Variants in MYO15B observed in about 807,000 individuals in gnomAD.
MYO15B encodes the protein myosin XVB.
A neutral mutation model predicts 119.3 loss-of-function variants in MYO15B; 207 were observed. The ratio of observed to expected loss-of-function variants is 1.73; its 90% confidence interval spans 1.55 to 1.95. The LOEUF (loss-of-function observed/expected upper bound fraction) is 1.95. Among genes scored for constraint, MYO15B ranks in the 30% most tolerant of loss-of-function variants. The pLI, the probability that MYO15B is intolerant of heterozygous loss-of-function variation, is 0.00. For missense variants in MYO15B, 2,264 were observed against 1,203.1 expected (o/e 1.88, Z -13.04); for synonymous variants, 966 against 498.9 (o/e 1.94, Z -12.48).
At chr17:75,626,755 C>A (rs1252071604) in exon 64 of MYO15B, 1 of 547,068 alleles carries the variant, frequency 1.8e-6, no homozygotes, top group Non-Finnish European at 3.3e-6. Flanking sequence ...GAGGGAGATG[C>A]CCACCCGACC....
chr17:75,599,915 A>G (rs2057137540), intron 14 of MYO15B, among the ~76,000 whole-genome samples: 1 of 150,978 alleles, frequency 6.6e-6, no homozygotes, highest in African/African-American at 2.4e-5. Flanking sequence ...AATAATAATA[A>G]TAATAATGAA....
intron 4 of MYO15B, 49 bp downstream of exon 4, chr17:75,591,295 G>T: frequency 1.4e-6 from 1 of 699,900 alleles, no homozygotes; most frequent in Middle Eastern, 2.3e-4. Context: ...CACACTGAGG[G>T]TTGATGGGGC....
exon 55 of MYO15B, chr17:75,623,951 A>C: frequency 1.4e-6 from 1 of 702,980 alleles, no homozygotes; most frequent in Non-Finnish European, 2.6e-6. Flanking sequence ...CCCTGCAGGG[A>C]ACACTGCACT....
At chr17:75,595,991 C>T (rs1251554135) in intron 12 of MYO15B, among the ~76,000 whole-genome samples, 1 of 152,196 alleles carries the variant, frequency 6.6e-6, no homozygotes, top group Non-Finnish European at 1.5e-5. Context: ...TGATGGTGGC[C>T]TGTGTGTGCA....
rs1045889673 is a variant in MYO15B at position 75,615,542 on chromosome 17, A to G, written c.5780A>G (p.Asp1927Gly). Residue 1927 changes from aspartate to glycine, a missense_variant, in exon 35 of 64, where the codon GAT becomes GGT. Physicochemically the swap from Asp to Gly is moderately conservative, Grantham distance 94 (BLOSUM62 -1). Coordinates refer to ENST00000645453, the Ensembl canonical transcript of MYO15B. The stretch of plus-strand genomic sequence containing the variant: ...CCGCAGCCACCGCTTCCCAGCCTGG[A>G]TGCAGGGCAGCTGGCCGTCCAGCAG... The G allele has an allele frequency of 4.3e-6, 3 of 701,278 alleles. No homozygotes were observed. In the East Asian group the frequency reaches 8.0e-5, roughly 19 times the overall value. 43.4% of individuals were successfully genotyped at this position (701,278 alleles called of 1,614,324 possible). A position where few individuals can be genotyped will look rare whatever the true frequency, so the allele number is the denominator to read the frequency against.
At chr17:75,617,478 C>G (rs1418332994) in intron 41 of MYO15B, 174 bp downstream of exon 41, 2 of 552,474 alleles carry the variant, frequency 3.6e-6, no homozygotes, top group Admixed American at 3.6e-5. Flanking sequence ...GCGTTCCCAC[C>G]CAGGGCAGGG....
Position 75,589,632 on chromosome 17 carries a change from C to A in MYO15B, c.1575C>A (p.Ser525Arg), listed in dbSNP as rs1431176090. 2.5e-5 allele frequency: 10 copies of A among 398,900 alleles called. No individual in the cohort carries two copies. Among genetic ancestry groups the A allele is most frequent in the Non-Finnish European group, 4.0e-5 (9 of 226,140 alleles). 24.7% of individuals were successfully genotyped at this position (398,900 alleles called of 1,614,324 possible). A position where few individuals can be genotyped will look rare whatever the true frequency, so the allele number is the denominator to read the frequency against. Residue 525 changes from serine (S) to arginine (R), a missense_variant, in exon 1 of 64, where the codon AGC becomes AGA. Coordinates refer to ENST00000645453, the Ensembl canonical transcript of MYO15B. This position sits in a 1 kb window ranked among gnomAD's most constrained non-coding sequence, Gnocchi z 4.2. Reference sequence around the variant, plus strand: ...GCCGCTCCCCGCAGGTCCCGACAAGCCCAGTCCCCGGCGACCCTTTTGATC... The same window carrying A: ...GCCGCTCCCCGCAGGTCCCGACAAGACCAGTCCCCGGCGACCCTTTTGATC...
exon 40 of MYO15B, chr17:75,616,927 A>C (rs1167017504): frequency 1.4e-6 from 1 of 702,974 alleles, no homozygotes; most frequent in Non-Finnish European, 2.6e-6. Flanking sequence ...GCTCTGGCCA[A>C]GCTGGGTATC....
Position 75,610,399 on chromosome 17 carries a change from C to T in MYO15B, c.4386+140C>T, listed in dbSNP as rs183117624. 8.7e-3 allele frequency: 4,693 copies of T among 540,378 alleles called. 38 individuals are homozygous for T. Among genetic ancestry groups the T allele is most frequent in the Non-Finnish European group, 0.013 (3,948 of 302,806 alleles). 33.5% of individuals were successfully genotyped at this position (540,378 alleles called of 1,614,324 possible). ...CTTCAGACACAGTGCTCCTTGAACT[C>T]ATCCCTTTTCCCTCCGGCCGGGGTA... On this transcript the variant is annotated intron_variant, in intron 22 of 63. Coordinates refer to ENST00000645453, the Ensembl canonical transcript of MYO15B.
exon 1 of MYO15B, chr17:75,588,967 G>T (rs868769787): frequency 1.4e-4 from 55 of 398,178 alleles, no homozygotes; most frequent in African/African-American, 1.0e-3. Flanking sequence ...GCGCCACCAG[G>T]TCGGAAAGGC....
rs369260651 is a variant in MYO15B at position 75,615,869 on chromosome 17, G to A, written c.6015G>A (p.Glu2005=). Residue 2005 remains glutamate (E), a synonymous_variant, in exon 36 of 64, where the codon GAG becomes GAA. Coordinates refer to ENST00000645453, the Ensembl canonical transcript of MYO15B. ...AGCCACAGCGTGACCTGGGATCAGA[G>A]GGTGGCTGCCTGAGGGTGAGGAGGT... The A allele has an allele frequency of 1.2e-3, 807 of 693,216 alleles. 18 individuals are homozygous for A. The South Asian group carries it at 0.012, about 10-fold the overall frequency. The allele number at this position is 693,216 out of a possible 1,614,324, so 42.9% of individuals were successfully genotyped here. A position where few individuals can be genotyped will look rare whatever the true frequency, so the allele number is the denominator to read the frequency against.
exon 15 of MYO15B, chr17:75,601,504 C>T (rs1274807034): frequency 1.0e-5 from 7 of 703,040 alleles, no homozygotes; most frequent in Admixed American, 6.0e-5. Flanking sequence ...CTATGCCAAG[C>T]CCCGGCTGCC....
chr17:75,598,405 G>A (rs953382095), intron 14 of MYO15B, among the ~76,000 whole-genome samples: 2 of 151,192 alleles, frequency 1.3e-5, no homozygotes, highest in African/African-American at 4.9e-5. Flanking sequence ...GGTGAAACCC[G>A]GTCTCTACTA....
chr17:75,611,775 T>G, intron 24 of MYO15B, 111 bp from the exon 25 acceptor site: 1 of 693,598 alleles, frequency 1.4e-6, no homozygotes, highest in African/African-American at 1.7e-5. Context: ...AGCTCATCAC[T>G]TGGGTCCCTG....
At chr17:75,603,252 C>T (rs1216449781) in exon 19 of MYO15B, 1 of 703,120 alleles carries the variant, frequency 1.4e-6, no homozygotes. Flanking sequence ...ATACTGGAGG[C>T]CGTGGGCACC....
Position 75,618,199 on chromosome 17 carries a change from C to T in MYO15B, c.6987+14C>T, listed in dbSNP as rs764889911. On this transcript the variant is annotated intron_variant, in intron 43 of 63. Coordinates refer to ENST00000645453, the Ensembl canonical transcript of MYO15B. ...CTCTGTGAGCAGGTGAGAGCTGGCC[C>T]ACCTGCCAGCCTGAGACATCTGCAG... is the stretch of plus-strand genomic sequence containing the variant. 12 of 702,920 alleles carry T rather than the reference C, an allele frequency of 1.7e-5. No individual in the cohort carries two copies. Among genetic ancestry groups the T allele is most frequent in the South Asian group, 3.0e-5 (2 of 67,606 alleles). The allele number at this position is 702,920 out of a possible 1,614,324, so 43.5% of individuals were successfully genotyped here. A position where few individuals can be genotyped will look rare whatever the true frequency, so the allele number is the denominator to read the frequency against.
At chr17:75,600,035 T>A (rs1342097908) in intron 14 of MYO15B, among the ~76,000 whole-genome samples, 1 of 148,376 alleles carries the variant, frequency 6.7e-6, no homozygotes, top group Non-Finnish European at 1.5e-5. Context: ...TTTTCTTTTT[T>A]TTTTTTGAGA....
At chr17:75,590,145 G>A in exon 1 of MYO15B, 1 of 399,084 alleles carries the variant, frequency 2.5e-6, no homozygotes. Context: ...ACCTGGAGCT[G>A]AGCCTCCGGC....
rs1363887591 is a variant in MYO15B, at chr17:75,624,460, GCCA to G, written c.8445+17_8445+19del. 5 of 702,924 alleles carry G rather than the reference GCCA, an allele frequency of 7.1e-6. No individual in the cohort carries two copies. In the Admixed American group the frequency reaches 8.0e-5, roughly 11 times the overall value. The allele number at this position is 702,924 out of a possible 1,614,324, so 43.5% of individuals were successfully genotyped here. A position where few individuals can be genotyped will look rare whatever the true frequency, so the allele number is the denominator to read the frequency against. ...CCAGACTTTCACAGTGAGCTTGGGG[GCCA>G]CCAAGGGAGGAGGCCTTGGGCATCA... On this transcript the variant is annotated intron_variant, in intron 57 of 63. Coordinates refer to ENST00000645453, the Ensembl canonical transcript of MYO15B.
Sources: allele counts gnomAD v4.1 joint callset (sites outside exome capture counted in the v4.1 genomes callset), GRCh38; gene constraint gnomAD v4.1.1; non-coding constraint Gnocchi (gnomAD v3.1); transcripts MANE v1.5; gene names NCBI Gene and HGNC (gene_info 2026-07-23, HGNC 2026-07-21).